Variants in PPP2R3A observed in about 807,000 individuals in gnomAD.
PPP2R3A encodes the protein serine/threonine-protein phosphatase 2A regulatory subunit B'' subunit alpha.
PPP2R3A carries 80 observed loss-of-function variants against 106.9 expected under a neutral mutation model. The observed-to-expected ratio is 0.75, with a 90% CI of 0.62 to 0.90. The LOEUF (loss-of-function observed/expected upper bound fraction) is 0.90. PPP2R3A is among the 40% of genes least tolerant of loss of function. The pLI is 0.00. For synonymous variants in PPP2R3A, 483 were observed against 468.3 expected, an observed-to-expected ratio of 1.03 and a Z score of -0.41; for missense variants, 1,386 against 1,350.4, an observed-to-expected ratio of 1.03 and a Z score of -0.41.
At chr3:136,134,304 G>C (rs921639283) in intron 13 of PPP2R3A, among the ~76,000 whole-genome samples, 2 of 152,148 alleles carry the variant, frequency 1.3e-5, no homozygotes, top group Non-Finnish European at 2.9e-5. Flanking sequence ...ACAATATGTA[G>C]CAACAACTTG....
At chr3:136,101,780 C>G (rs1937366768) in intron 10 of PPP2R3A, among the ~76,000 whole-genome samples, 1 of 152,064 alleles carries the variant, frequency 6.6e-6, no homozygotes, top group African/African-American at 2.4e-5. Context: ...GACGTGTTAT[C>G]TGAAAATAGG....
chr3:136,070,908 C>CTCTA (rs1408850047), intron 6 of PPP2R3A, among the ~76,000 whole-genome samples: 13 of 152,320 alleles, frequency 8.5e-5, no homozygotes, highest in African/African-American at 3.1e-4. Flanking sequence ...AAAGATTGGT[C>CTCTA]TCTAGTACCT....
chr3:135,979,200 G>A (rs767718358), intron 1 of PPP2R3A, among the ~76,000 whole-genome samples: 51 of 151,496 alleles, frequency 3.4e-4, no homozygotes, highest in Admixed American at 1.2e-3. Flanking sequence ...CCAACATGGT[G>A]AAACCCCGTC....
intron 5 of PPP2R3A, among the ~76,000 whole-genome samples, chr3:136,059,567 G>A (rs2107884611): frequency 6.6e-6 from 1 of 152,242 alleles, no homozygotes; most frequent in South Asian, 2.1e-4. Flanking sequence ...AAGACAGTGT[G>A]GCAATTCCTC....
At position 136,104,298 on chromosome 3, in the gene PPP2R3A, TTG is replaced by T. The variant is rs55839641; in HGVS notation, c.3222+949_3222+950del. 4.1e-3 allele frequency among the ~76,000 whole-genome samples: 605 copies of T among 148,612 alleles called. 2 individuals carry two copies. Among genetic ancestry groups the T allele is most frequent in the African/African-American group, 0.012 (470 of 40,306 alleles). ...CATAATTTTATATTTGTTTCTTTCTTTGTGTGTGTGTGTGTGTGTGTGTGTGT... is the reference window on the plus strand; with the variant it reads ...CATAATTTTATATTTGTTTCTTTCTTTGTGTGTGTGTGTGTGTGTGTGTGT... On this transcript the variant is annotated intron_variant, in intron 12 of 13. Transcript: ENST00000264977.
intron 5 of PPP2R3A, among the ~76,000 whole-genome samples, chr3:136,063,882 A>G (rs1418819736): frequency 2.7e-5 from 4 of 150,226 alleles, no homozygotes; most frequent in South Asian, 2.1e-4. Context: ...ATCTAGAACT[A>G]GAAATACCAT....
intron 8 of PPP2R3A, among the ~76,000 whole-genome samples, chr3:136,086,241 T>C (rs148729703): frequency 6.6e-6 from 1 of 152,086 alleles, no homozygotes; most frequent in Non-Finnish European, 1.5e-5. Context: ...CCCAGCACTT[T>C]GGGAGGCCAA....
chr3:136,030,513 C>T (rs1324394356), intron 3 of PPP2R3A, among the ~76,000 whole-genome samples: 1 of 151,854 alleles, frequency 6.6e-6, no homozygotes, highest in Non-Finnish European at 1.5e-5. Context: ...AGGCAGTATA[C>T]ACTGCACCCT....
chr3:136,041,262 G>GT (rs71157355), intron 4 of PPP2R3A, among the ~76,000 whole-genome samples: 1,080 of 96,500 alleles, frequency 0.011, 87 homozygotes, highest in East Asian at 0.057. Flanking sequence ...TTTTTTTTTT[G>GT]TTTTTTTTTT....
Position 136,146,678 on chromosome 3 carries a change from A to C in PPP2R3A, c.*1512A>C, listed in dbSNP as rs894802520. 1 of 152,200 alleles carries C rather than the reference A, an allele frequency of 6.6e-6. No individual in the cohort carries two copies. Among genetic ancestry groups the C allele is most frequent in the East Asian group, 1.9e-4 (1 of 5,198 alleles). The allele number at this position is 152,200 out of a possible 1,614,324, so 9.4% of individuals were successfully genotyped here. A position where few individuals can be genotyped will look rare whatever the true frequency, so the allele number is the denominator to read the frequency against. On this transcript the variant is annotated 3_prime_UTR_variant, in exon 14 of 14. Coordinates refer to ENST00000264977, the MANE Select transcript of PPP2R3A (RefSeq NM_002718.5). ...ATTACAGAAAGCAGTAACTATTGCA[A>C]CTATCTAATAGTTCACACAAAAGAA... is the stretch of plus-strand genomic sequence containing the variant.
rs985350297 is a variant in PPP2R3A, at chr3:136,003,454, T to C, written c.1956T>C (p.Thr652=). 6.2e-7 allele frequency: 1 copy of C among 1,613,014 alleles called. No homozygotes were observed. Among genetic ancestry groups the C allele is most frequent in the South Asian group, 1.1e-5 (1 of 90,836 alleles). The change falls in exon 2 of 14, where the codon ACT becomes ACC. Residue 652 remains threonine, a synonymous_variant. Transcript: ENST00000264977. ...TTGGTGATAAAGCCAAAGATACTAC[T>C]TCAGCAGTTTTGATTCAGCAGACTC... is the stretch of plus-strand genomic sequence containing the variant. The part of the protein sequence containing the change: ...SPVGDKAKDT[T]SAVLIQQTPE...
intron 1 of PPP2R3A, among the ~76,000 whole-genome samples, chr3:135,976,435 G>A (rs1427457126): frequency 1.3e-5 from 2 of 152,162 alleles, no homozygotes; most frequent in Non-Finnish European, 2.9e-5. Flanking sequence ...TGCACTAAGA[G>A]GGAAGACTTT....
intron 13 of PPP2R3A, among the ~76,000 whole-genome samples, chr3:136,132,676 T>C (rs1938471142): frequency 1.3e-5 from 2 of 151,836 alleles, no homozygotes; most frequent in South Asian, 4.1e-4. Context: ...AAATGTCAAT[T>C]ATCCCCAAAT....
chr3:136,108,998 C>A (rs896501897), intron 13 of PPP2R3A, among the ~76,000 whole-genome samples: 1 of 151,932 alleles, frequency 6.6e-6, no homozygotes, highest in Non-Finnish European at 1.5e-5. Context: ...AAATAAAAAG[C>A]CGGAAATGAG....
intron 5 of PPP2R3A, among the ~76,000 whole-genome samples, chr3:136,058,176 A>G (rs1354687720): frequency 6.6e-6 from 1 of 152,176 alleles, no homozygotes; most frequent in Non-Finnish European, 1.5e-5. Context: ...TGGAAGTTCT[A>G]GTCAGGGCAG....
chr3:136,141,661 A>C (rs1268851373), intron 13 of PPP2R3A, among the ~76,000 whole-genome samples: 1 of 152,238 alleles, frequency 6.6e-6, no homozygotes, highest in Non-Finnish European at 1.5e-5. Flanking sequence ...CAAGCTAGCC[A>C]AAGAGGGAAG....
chr3:136,029,456 G>A (rs1285509981), intron 3 of PPP2R3A, among the ~76,000 whole-genome samples: 2 of 152,152 alleles, frequency 1.3e-5, no homozygotes. Context: ...TGAGAGGAGA[G>A]CAGAAAGCCT....
At chr3:136,065,501 G>A (rs1322474480) in intron 5 of PPP2R3A, among the ~76,000 whole-genome samples, 1 of 152,002 alleles carries the variant, frequency 6.6e-6, no homozygotes, top group Non-Finnish European at 1.5e-5. Flanking sequence ...ATACATACTG[G>A]TATAGCAAAG....
Position 136,002,022 on chromosome 3 carries a change from G to T in PPP2R3A, c.524G>T (p.Gly175Val). ...YNNDGNAPSF[G>V]LLRSSSVEEK... ...AACGATGGGAACGCCCCATCCTTTG[G>T]TTTACTGCGGAGTTCCTCAGTTGAG... Residue 175 changes from glycine to valine, a missense_variant, in exon 2 of 14, where the codon GGT becomes GTT. Gly to Val is a moderately radical substitution (Grantham distance 109, BLOSUM62 -3). Transcript: ENST00000264977. 6.2e-7 allele frequency: 1 copy of T among 1,613,996 alleles called. No homozygotes were observed. The highest frequency in any genetic ancestry group is 8.5e-7 in the Non-Finnish European group (1 of 1,179,980).
Sources: allele counts gnomAD v4.1 joint callset (sites outside exome capture counted in the v4.1 genomes callset), GRCh38; gene constraint gnomAD v4.1.1; transcripts MANE v1.5; gene names NCBI Gene and HGNC (gene_info 2026-07-23, HGNC 2026-07-21).